The following DIP2A variants were observed in gnomAD, a reference collection of about 807,000 sequenced individuals.
DIP2A encodes DIP2 acetate--CoA ligase A.
In DIP2A, 85 loss-of-function variants were observed where a neutral mutation model predicts 177.4. The ratio of observed to expected loss-of-function variants is 0.48; its 90% CI spans 0.40 to 0.57. The LOEUF is 0.57. Ranked by LOEUF, DIP2A falls within the 20% of genes least tolerant of loss-of-function variation. DIP2A has a pLI of 0.00. For missense variants in DIP2A, 1,791 were observed against 2,100.2 expected (o/e 0.85, Z 2.88); for synonymous variants, 886 against 881.8 (o/e 1.00, Z -0.08).
At position 46,546,609 on chromosome 21, in the gene DIP2A, C is replaced by T. The variant is rs546366273; in HGVS notation, c.2395-306C>T. Among the ~76,000 whole-genome samples the T allele has an allele frequency of 6.6e-5, 10 of 152,314 alleles. 1 individual carries two copies. In the East Asian group the frequency reaches 1.5e-3, roughly 24 times the overall value. ...CACAACTCGTTTCCCACTTGTGAGC[C>T]TTTCCCATGCTGACGCTGCCCCAGC... On this transcript the variant is annotated intron_variant, in intron 20 of 37. Transcript: ENST00000417564.
intron 9 of DIP2A, among the ~76,000 whole-genome samples, chr21:46,531,028 T>G (rs2059333861): frequency 6.6e-6 from 1 of 152,174 alleles, no homozygotes; most frequent in Non-Finnish European, 1.5e-5. Flanking sequence ...TCGCAAGCAC[T>G]TTCTTGTCAA....
rs7282541 is a variant in DIP2A, at chr21:46,519,255, T to C, written c.1102+7641T>C. Among the ~76,000 whole-genome samples, 957 of 152,280 alleles carry C rather than the reference T, an allele frequency of 6.3e-3. 12 individuals are homozygous for C. The highest frequency in any genetic ancestry group is 0.022 in the African/African-American group (919 of 41,556). Reference sequence around the variant, plus strand: ...TGGCCAGCTTCTTCACCACACATGCTGTTTTATCAGTAAGGTCTTTATGAC... The same window carrying C: ...TGGCCAGCTTCTTCACCACACATGCCGTTTTATCAGTAAGGTCTTTATGAC... On this transcript the variant is annotated intron_variant, in intron 8 of 37. Transcript: ENST00000417564.
At chr21:46,462,730 A>G (rs1454637144) in intron 1 of DIP2A, 1 of 150,720 alleles carries the variant, frequency 6.6e-6, no homozygotes, top group African/African-American at 2.5e-5. Flanking sequence ...AAGAAGCTTA[A>G]CAGTGACAAA....
At chr21:46,526,768 A>G (rs1010237181) in intron 8 of DIP2A, among the ~76,000 whole-genome samples, 1 of 152,194 alleles carries the variant, frequency 6.6e-6, no homozygotes, top group Admixed American at 6.5e-5. Context: ...GCCTTGCTAA[A>G]TTCAGTTACA....
At chr21:46,540,513 G>T (rs1332902968) in intron 17 of DIP2A, among the ~76,000 whole-genome samples, 2 of 152,106 alleles carry the variant, frequency 1.3e-5, no homozygotes, top group Non-Finnish European at 2.9e-5. Flanking sequence ...GTGCGGGGCT[G>T]CTGGTCCTTC....
In DIP2A at chr21:46,532,217, G is replaced by T. The variant is rs1449666330; in HGVS notation, c.1285G>T (p.Glu429Ter). ...GGCAGAGCTGGTTCCTGTCCCCATA[G>T]AAGTGCCATTAACAAGAAAGGTAGC... ...LLAELVPVPI[E>*]VPLTRKDAGS... The change falls in exon 10 of 38, where the codon GAA (glutamate) becomes TAA (stop). Residue 429 changes from glutamate to a stop codon, truncating the protein, a stop_gained. Transcript: ENST00000417564. LOFTEE classifies it high-confidence loss of function. 3 of 1,613,800 alleles carry T rather than the reference G, an allele frequency of 1.9e-6. No individual in the cohort carries two copies. The highest frequency in any genetic ancestry group is 2.5e-6 in the Non-Finnish European group (3 of 1,179,860).
intron 1 of DIP2A, among the ~76,000 whole-genome samples, chr21:46,480,967 G>A (rs991701879): frequency 2.6e-5 from 4 of 152,066 alleles, no homozygotes; most frequent in Non-Finnish European, 4.4e-5. Flanking sequence ...TTCAGACTCC[G>A]GAAAGCTGAT....
intron 1 of DIP2A, among the ~76,000 whole-genome samples, chr21:46,470,602 T>G (rs922961746): frequency 6.6e-6 from 1 of 151,756 alleles, no homozygotes; most frequent in Non-Finnish European, 1.5e-5. Flanking sequence ...GAAACCGTGT[T>G]TCTACTAAAA....
chr21:46,507,325 C>A (rs1272545993), intron 6 of DIP2A, among the ~76,000 whole-genome samples: 1 of 152,140 alleles, frequency 6.6e-6, no homozygotes, highest in Non-Finnish European at 1.5e-5. Context: ...ATATTTTCTT[C>A]CAGAATTTTA....
chr21:46,546,887 G>C (rs750422728), intron 20 of DIP2A, 28 bp from the exon 21 acceptor site: 1 of 1,611,674 alleles, frequency 6.2e-7, no homozygotes, highest in Admixed American at 1.7e-5. Context: ...CGTGTGGGTG[G>C]AGTCTTGACG....
intron 1 of DIP2A, chr21:46,462,646 A>T (rs966657215): frequency 1.6e-4 from 25 of 152,222 alleles, no homozygotes; most frequent in African/African-American, 5.3e-4. Context: ...TAACTTTTTT[A>T]TAGCATTCAC....
At chr21:46,578,101 C>A in the DIP2A span, among the ~76,000 whole-genome samples, 162 of 152,252 alleles carry the variant, frequency 1.1e-3, no homozygotes, top group African/African-American at 3.7e-3. Context: ...ATCACGAGGT[C>A]AAGAGATCAA....
intron 18 of DIP2A, among the ~76,000 whole-genome samples, chr21:46,543,038 A>G (rs1286067986): frequency 1.3e-5 from 2 of 152,166 alleles, no homozygotes; most frequent in African/African-American, 4.8e-5. Flanking sequence ...AATAAGACTG[A>G]AGTATTTCAG....
Position 46,556,337 on chromosome 21 carries a change from G to A in DIP2A, c.3498+246G>A. 1 of 1,454,084 alleles carries A rather than the reference G, an allele frequency of 6.9e-7. No homozygotes were observed. The highest frequency in any genetic ancestry group is 9.2e-7 in the Non-Finnish European group (1 of 1,086,012). 90.1% of individuals were successfully genotyped at this position (1,454,084 alleles called of 1,614,324 possible). A position where few individuals can be genotyped will look rare whatever the true frequency, so the allele number is the denominator to read the frequency against. ...CTGATTTATGACTGTCTAGCTTACA[G>A]GAACTGGTGGCTTTGAAGAATCTCT... On this transcript the variant is annotated intron_variant, in intron 29 of 37. Coordinates refer to ENST00000417564, the MANE Select transcript of DIP2A (RefSeq NM_015151.4). The surrounding 1 kb of genome is among the most constrained non-coding windows in gnomAD (Gnocchi z 4.5).
chr21:46,528,568 T>TTTTTTTTTTTTTTTTTTTA lies in DIP2A; in HGVS notation c.1103-524_1103-523insTTTTTTTTTTTTTTTTTTA, dbSNP rs1569043246. 7.7e-5 allele frequency among the ~76,000 whole-genome samples: 7 copies of TTTTTTTTTTTTTTTTTTTA among 90,576 alleles called. 1 individual carries two copies. Among genetic ancestry groups the TTTTTTTTTTTTTTTTTTTA allele is most frequent in the Non-Finnish European group, 7.0e-5 (3 of 42,836 alleles). 59.4% of individuals were successfully genotyped at this position (90,576 alleles called of 152,430 possible). ...TTTTTTTTTTTTTTTTTTTTTTTTT[T>TTTTTTTTTTTTTTTTTTTA]AGATAATGTCTTTATTGCCCAGGCT... is the stretch of plus-strand genomic sequence containing the variant. On this transcript the variant is annotated intron_variant, in intron 8 of 37. Coordinates refer to ENST00000417564, the MANE Select transcript of DIP2A (RefSeq NM_015151.4).
intron 6 of DIP2A, among the ~76,000 whole-genome samples, chr21:46,507,432 T>A (rs2058068572): frequency 6.6e-6 from 1 of 152,178 alleles, no homozygotes; most frequent in Non-Finnish European, 1.5e-5. Flanking sequence ...TGTATGTGGG[T>A]ATTCAGTTGT....
intron 3 of DIP2A, among the ~76,000 whole-genome samples, chr21:46,495,244 T>TCTCTCTCTCTCTCTCTCTCTC (rs2057273584): frequency 1.6e-4 from 6 of 38,176 alleles, no homozygotes; most frequent in Non-Finnish European, 2.4e-4. Flanking sequence ...CTTCTCTTCT[T>TCTCTCTCTCTCTCTCTCTCTC]TCTCTCTCTC....
chr21:46,508,519 C>T (rs889582112), intron 6 of DIP2A, among the ~76,000 whole-genome samples: 23 of 151,152 alleles, frequency 1.5e-4, no homozygotes, highest in Admixed American at 3.9e-4. Context: ...CCACCACACC[C>T]GGCTAATTTT....
In DIP2A at chr21:46,528,028, T is replaced by G. The variant is rs541229981; in HGVS notation, c.1103-1064T>G. 4.0e-5 allele frequency among the ~76,000 whole-genome samples: 6 copies of G among 151,226 alleles called. No individual in the cohort carries two copies. The South Asian group carries it at 1.3e-3, about 32-fold the overall frequency. On this transcript the variant is annotated intron_variant, in intron 8 of 37. Transcript: ENST00000417564. Reference sequence around the variant, plus strand: ...AGCATAGCAGCTGCGCCAGGAGGGGTGTGTGGTGGGAAGGACCTCAGGGGA... The same window carrying G: ...AGCATAGCAGCTGCGCCAGGAGGGGGGTGTGGTGGGAAGGACCTCAGGGGA...
Sources: allele counts gnomAD v4.1 joint callset (sites outside exome capture counted in the v4.1 genomes callset), GRCh38; gene constraint gnomAD v4.1.1; non-coding constraint Gnocchi (gnomAD v3.1); transcripts MANE v1.5; gene names NCBI Gene and HGNC (gene_info 2026-07-23, HGNC 2026-07-21).